The following ZNF385B variants were observed in gnomAD, a reference collection of about 807,000 sequenced individuals.
The protein encoded by ZNF385B is zinc finger protein 385B.
Under a neutral mutation model 39.2 loss-of-function variants are expected in ZNF385B, and 23 were observed. The observed-to-expected ratio is 0.59, with a 90% CI of 0.42 to 0.83. The LOEUF (loss-of-function observed/expected upper bound fraction) is 0.83. Among genes scored for constraint, ZNF385B ranks in the 40% least tolerant of loss-of-function variants. The pLI is 0.00. For synonymous variants in ZNF385B, 205 were observed against 222.6 expected, an observed-to-expected ratio of 0.92 and a Z score of 0.70; for missense variants, 552 against 598.9, an observed-to-expected ratio of 0.92 and a Z score of 0.82.
At chr2:179,627,951 A>G (rs3112959) in intron 3 of ZNF385B, among the ~76,000 whole-genome samples, 17,794 of 152,180 alleles carry the variant, frequency 0.12, 1,578 homozygotes, top group African/African-American at 0.24. Context: ...AGTTACAATA[A>G]TAGAAATCCT....
At chr2:179,576,990 A>G (rs1316706118) in intron 3 of ZNF385B, among the ~76,000 whole-genome samples, 2 of 152,188 alleles carry the variant, frequency 1.3e-5, no homozygotes, top group African/African-American at 4.8e-5. Context: ...GGAAAATCTC[A>G]CAACAGACGG....
At chr2:179,673,037 G>A (rs187871284) in intron 3 of ZNF385B, among the ~76,000 whole-genome samples, 37 of 152,234 alleles carry the variant, frequency 2.4e-4, no homozygotes, top group African/African-American at 7.7e-4. Flanking sequence ...AAAGCGAGAC[G>A]GCAAGAAAAG....
intron 3 of ZNF385B, among the ~76,000 whole-genome samples, chr2:179,704,020 C>A (rs1050700070): frequency 1.3e-5 from 2 of 152,134 alleles, no homozygotes; most frequent in Non-Finnish European, 2.9e-5. Flanking sequence ...GCTAGAGAGA[C>A]ACTGATGAAT....
Position 179,586,120 on chromosome 2 carries a change from T to C in ZNF385B, c.299-41151A>G, listed in dbSNP as rs187462532. Among the ~76,000 whole-genome samples, 4 of 152,344 alleles carry C rather than the reference T, an allele frequency of 2.6e-5. No homozygotes were observed. In the East Asian group the frequency reaches 7.7e-4, roughly 29 times the overall value. On this transcript the variant is annotated intron_variant, in intron 3 of 9. Coordinates refer to ENST00000410066, the MANE Select transcript of ZNF385B (RefSeq NM_152520.6). Reference sequence around the variant, plus strand: ...TCACTTCTATAGACGGGTGCTCTTATAGTTTCCATCCCCATGTTCATCTGG... The same window carrying C: ...TCACTTCTATAGACGGGTGCTCTTACAGTTTCCATCCCCATGTTCATCTGG...
At chr2:179,535,139 C>T (rs375285249) in intron 4 of ZNF385B, among the ~76,000 whole-genome samples, 1 of 152,274 alleles carries the variant, frequency 6.6e-6, no homozygotes, top group East Asian at 1.9e-4. Context: ...TCATTCTATG[C>T]ACCTCTACTT....
At chr2:179,774,627 G>C (rs1350919994) in intron 1 of ZNF385B, among the ~76,000 whole-genome samples, 3 of 152,062 alleles carry the variant, frequency 2.0e-5, no homozygotes, top group Admixed American at 6.6e-5. Flanking sequence ...AAAGTGCTGG[G>C]ATTACAAGTG....
chr2:179,656,311 AG>A (rs1693756508), intron 3 of ZNF385B, among the ~76,000 whole-genome samples: 1 of 152,162 alleles, frequency 6.6e-6, no homozygotes, highest in South Asian at 2.1e-4. Context: ...GAATTCCATC[AG>A]GTAGGCATTT....
At chr2:179,707,598 C>T (rs1461362334) in intron 3 of ZNF385B, among the ~76,000 whole-genome samples, 1 of 152,208 alleles carries the variant, frequency 6.6e-6, no homozygotes, top group African/African-American at 2.4e-5. Flanking sequence ...TGGCACCCAA[C>T]CAATAGTATA....
At chr2:179,734,010 C>G (rs1166796124) in intron 3 of ZNF385B, among the ~76,000 whole-genome samples, 2 of 152,042 alleles carry the variant, frequency 1.3e-5, no homozygotes, top group East Asian at 3.9e-4. Context: ...TTTACACAAA[C>G]AATATATACT....
chr2:179,555,626 C>G lies in ZNF385B; in HGVS notation c.299-10657G>C, dbSNP rs1442794816. Among the ~76,000 whole-genome samples, 10 of 149,262 alleles carry G rather than the reference C, an allele frequency of 6.7e-5. 1 individual carries two copies. Among genetic ancestry groups the G allele is most frequent in the Admixed American group, 6.7e-4 (10 of 15,024 alleles). ...GTATAATTTTAGGATGACAATGATG[C>G]TTTTTGAGTTCTTTTTTTTCTACTG... On this transcript the variant is annotated intron_variant, in intron 3 of 9. Coordinates refer to ENST00000410066, the MANE Select transcript of ZNF385B (RefSeq NM_152520.6).
At chr2:179,642,586 G>A (rs1473524807) in intron 3 of ZNF385B, among the ~76,000 whole-genome samples, 1 of 152,138 alleles carries the variant, frequency 6.6e-6, no homozygotes, top group African/African-American at 2.4e-5. Context: ...GACACCTTCA[G>A]AAGTTCTTCA....
Position 179,745,143 on chromosome 2 carries a change from C to T in ZNF385B, c.298+24360G>A, listed in dbSNP as rs552010848. Among the ~76,000 whole-genome samples, 6 of 152,170 alleles carry T rather than the reference C, an allele frequency of 3.9e-5. No homozygotes were observed. The East Asian group carries it at 1.2e-3, about 29-fold the overall frequency. Reference sequence around the variant, plus strand: ...CTCCCATTCTCATTCGGCACACAGTCGTTAGAAATTAATTACTGTTGGTTG... The same window carrying T: ...CTCCCATTCTCATTCGGCACACAGTTGTTAGAAATTAATTACTGTTGGTTG... On this transcript the variant is annotated intron_variant, in intron 3 of 9. Transcript: ENST00000410066.
rs1354045421 is a variant in ZNF385B, at chr2:179,442,937, C to T, written c.*313G>A. On this transcript the variant is annotated 3_prime_UTR_variant, in exon 10 of 10. Transcript: ENST00000410066. Reference sequence around the variant, plus strand: ...CCATGGAAAAATAGAGAATGGTTTTCTTTCTTTTTCTTTCTGACCAATACA... The same window carrying T: ...CCATGGAAAAATAGAGAATGGTTTTTTTTCTTTTTCTTTCTGACCAATACA... The T allele has an allele frequency of 9.4e-6, 4 of 423,774 alleles. No individual in the cohort carries two copies. The highest frequency in any genetic ancestry group is 2.0e-5 in the African/African-American group (1 of 49,356). The allele number at this position is 423,774 out of a possible 1,614,324, so 26.3% of individuals were successfully genotyped here.
intron 1 of ZNF385B, among the ~76,000 whole-genome samples, chr2:179,848,066 T>C (rs1271361960): frequency 6.6e-6 from 1 of 152,006 alleles, no homozygotes; most frequent in African/African-American, 2.4e-5. Flanking sequence ...GTGCTGCACA[T>C]GAAAGGAGCC....
At chr2:179,654,660 T>G (rs1693554198) in intron 3 of ZNF385B, among the ~76,000 whole-genome samples, 1 of 152,188 alleles carries the variant, frequency 6.6e-6, no homozygotes, top group Non-Finnish European at 1.5e-5. Context: ...GATGGCACTT[T>G]TAGATTTCCA....
At chr2:179,854,110 G>A (rs1308352691) in intron 1 of ZNF385B, among the ~76,000 whole-genome samples, 1 of 152,030 alleles carries the variant, frequency 6.6e-6, no homozygotes, top group South Asian at 2.1e-4. Flanking sequence ...ACAAACAATG[G>A]CATTTTTGTG....
At chr2:179,761,763 T>TC (rs1464792258) in intron 3 of ZNF385B, among the ~76,000 whole-genome samples, 3 of 57,750 alleles carry the variant, frequency 5.2e-5, no homozygotes, top group Non-Finnish European at 1.1e-4. Context: ...TTTCTTTTCT[T>TC]TTTTTTTTTT....
At chr2:179,776,059 T>C (rs1438872216) in intron 1 of ZNF385B, among the ~76,000 whole-genome samples, 1 of 152,214 alleles carries the variant, frequency 6.6e-6, no homozygotes, top group Non-Finnish European at 1.5e-5. Flanking sequence ...AGCCTGGAAC[T>C]GTTGAAGCTC....
chr2:179,541,313 G>A (rs2059906107), intron 4 of ZNF385B, among the ~76,000 whole-genome samples: 5 of 152,042 alleles, frequency 3.3e-5, no homozygotes. Context: ...TTCTTCATCA[G>A]GTACAACTTA....
Sources: gnomAD v4.1 joint callset for allele counts (sites outside exome capture counted in the v4.1 genomes callset) on GRCh38, gnomAD v4.1.1 for gene constraint, MANE v1.5 for transcripts, NCBI Gene and HGNC (gene_info 2026-07-23, HGNC 2026-07-21) for gene names.